Variants in VSNL1 observed in about 807,000 individuals in gnomAD.
VSNL1 encodes visinin like 1, also known as visinin-like protein 1.
Under a neutral mutation model 20.4 loss-of-function variants are expected in VSNL1, and 6 were observed. That is an observed-to-expected ratio of 0.29 (90% CI 0.16 to 0.58). VSNL1 has a LOEUF of 0.58. VSNL1 is among the 20% of genes least tolerant of loss of function. VSNL1 has a pLI of 0.90. For synonymous variants in VSNL1, 93 were observed against 86.4 expected (o/e 1.08, Z -0.42); for missense variants, 100 against 234.5 (o/e 0.43, Z 3.75).
intron 2 of VSNL1, among the ~76,000 whole-genome samples, chr2:17,633,685 G>C (rs1447436941): frequency 1.3e-5 from 2 of 152,154 alleles, no homozygotes; most frequent in African/African-American, 4.8e-5. Flanking sequence ...GAGGATGTCA[G>C]AGCAGAGTTG....
intron 1 of VSNL1, among the ~76,000 whole-genome samples, chr2:17,552,826 G>A (rs1663577009): frequency 6.6e-6 from 1 of 152,096 alleles, no homozygotes; most frequent in South Asian, 2.1e-4. Context: ...CTGTTTATAT[G>A]AGACATGACT....
chr2:17,549,496 A>C (rs574517853), intron 1 of VSNL1, among the ~76,000 whole-genome samples: 1 of 152,354 alleles, frequency 6.6e-6, no homozygotes, highest in African/African-American at 2.4e-5. Context: ...GCTTCATAAC[A>C]AATCATTACT....
rs2103430438 is a variant in VSNL1 at position 17,649,660 on chromosome 2, A to C, written c.378+35A>C. 1 of 1,605,660 alleles carries C rather than the reference A, an allele frequency of 6.2e-7. No individual in the cohort carries two copies. Among genetic ancestry groups the C allele is most frequent in the East Asian group, 2.2e-5 (1 of 44,806 alleles). On this transcript the variant is annotated intron_variant, in intron 3 of 3. Transcript: ENST00000295156. This position sits in a 1 kb window ranked among gnomAD's most constrained non-coding sequence, Gnocchi z 6.4. ...GGGGTGTGGTTGGCGGGTGGTGGGCACAGAAGGAGACCCCACGGCAGCCTC... is the reference window on the plus strand; with the variant it reads ...GGGGTGTGGTTGGCGGGTGGTGGGCCCAGAAGGAGACCCCACGGCAGCCTC...
intron 1 of VSNL1, among the ~76,000 whole-genome samples, chr2:17,584,535 A>G (rs1664424875): frequency 6.6e-6 from 1 of 152,134 alleles, no homozygotes; most frequent in African/African-American, 2.4e-5. Context: ...CCAAAGACCA[A>G]TGTCCGCTGC....
chr2:17,541,639 G>C (rs541896201), intron 1 of VSNL1: 3 of 152,302 alleles, frequency 2.0e-5, no homozygotes, highest in Admixed American at 2.0e-4. Context: ...TGCATTCCGT[G>C]TTCGCCATCC....
intron 1 of VSNL1, among the ~76,000 whole-genome samples, chr2:17,577,263 T>C (rs1390613610): frequency 1.3e-5 from 2 of 152,266 alleles, no homozygotes; most frequent in Admixed American, 6.5e-5. Context: ...CTTTTGTCTA[T>C]ATTTTCAGTT....
chr2:17,574,112 C>T (rs114745922), intron 1 of VSNL1, among the ~76,000 whole-genome samples: 1 of 152,160 alleles, frequency 6.6e-6, no homozygotes, highest in Non-Finnish European at 1.5e-5. Flanking sequence ...CTTCAAGTTT[C>T]GAAGCTTGTC....
At chr2:17,639,124 C>T (rs1197168342) in intron 2 of VSNL1, among the ~76,000 whole-genome samples, 2 of 152,152 alleles carry the variant, frequency 1.3e-5, no homozygotes, top group African/African-American at 4.8e-5. Flanking sequence ...ATCTATTGCC[C>T]CAGTTGCCCT....
In VSNL1 at chr2:17,644,197, A is replaced by T. The variant is rs1366688291; in HGVS notation, c.163-5213A>T. ...ATGTGAAGAGCTGAAAGCCAAAACC[A>T]AATATCAAATGACCTCTCAAAGGCA... On this transcript the variant is annotated intron_variant, in intron 2 of 3. Transcript: ENST00000295156. Among the ~76,000 whole-genome samples, 4 of 152,212 alleles carry T rather than the reference A, an allele frequency of 2.6e-5. 1 individual carries two copies. The highest frequency in any genetic ancestry group is 5.9e-5 in the Non-Finnish European group (4 of 68,020).
chr2:17,608,313 T>TA (rs1481067461), intron 2 of VSNL1, among the ~76,000 whole-genome samples: 1 of 152,218 alleles, frequency 6.6e-6, no homozygotes, highest in Non-Finnish European at 1.5e-5. Flanking sequence ...CATGTTCTTT[T>TA]AAAAAATGTG....
intron 2 of VSNL1, among the ~76,000 whole-genome samples, chr2:17,638,128 G>A (rs561549169): frequency 6.6e-6 from 1 of 152,146 alleles, no homozygotes; most frequent in South Asian, 2.1e-4. Flanking sequence ...GTAGATGAGA[G>A]GTATGTAGAG....
chr2:17,599,220 A>G (rs1664776034), intron 2 of VSNL1, among the ~76,000 whole-genome samples: 1 of 152,232 alleles, frequency 6.6e-6, no homozygotes, highest in Non-Finnish European at 1.5e-5. Flanking sequence ...GATCAGGAAC[A>G]GGAAAGACAA....
intron 2 of VSNL1, among the ~76,000 whole-genome samples, chr2:17,594,191 A>G (rs1048196120): frequency 6.6e-6 from 1 of 152,216 alleles, no homozygotes. Flanking sequence ...CAACTGATAT[A>G]TATGCACCAA....
At chr2:17,586,715 G>A (rs62132086) in intron 1 of VSNL1, among the ~76,000 whole-genome samples, 14,876 of 152,142 alleles carry the variant, frequency 0.098, 1,037 homozygotes, top group African/African-American at 0.19. Flanking sequence ...GCCTGATTCC[G>A]TCAAGTTAAT....
At chr2:17,608,820 C>T (rs895609240) in intron 2 of VSNL1, among the ~76,000 whole-genome samples, 2 of 152,066 alleles carry the variant, frequency 1.3e-5, no homozygotes, top group African/African-American at 2.4e-5. Context: ...TCATAGATGT[C>T]CCATTATTTT....
chr2:17,612,749 A>C (rs1001374380), intron 2 of VSNL1, among the ~76,000 whole-genome samples: 1 of 152,152 alleles, frequency 6.6e-6, no homozygotes, highest in African/African-American at 2.4e-5. Flanking sequence ...GGGCTTTAAC[A>C]TGTTGCTGGA....
chr2:17,601,901 A>G (rs1451751708), intron 2 of VSNL1, among the ~76,000 whole-genome samples: 2 of 152,290 alleles, frequency 1.3e-5, no homozygotes, highest in East Asian at 1.9e-4. Flanking sequence ...GTGCCACCGC[A>G]CTCCAGCCTG....
intron 2 of VSNL1, among the ~76,000 whole-genome samples, chr2:17,602,984 G>T (rs1034529309): frequency 6.6e-6 from 1 of 152,106 alleles, no homozygotes; most frequent in Admixed American, 6.5e-5. Flanking sequence ...AACAATCTGT[G>T]TAAATAGCTA....
At chr2:17,648,340 G>T (rs929503768) in intron 2 of VSNL1, among the ~76,000 whole-genome samples, 1 of 152,220 alleles carries the variant, frequency 6.6e-6, no homozygotes, top group Non-Finnish European at 1.5e-5. Context: ...TGAGAAAGAC[G>T]GACCGAGGGC....
Sources: allele counts gnomAD v4.1 joint callset (sites outside exome capture counted in the v4.1 genomes callset), GRCh38; gene constraint gnomAD v4.1.1; non-coding constraint Gnocchi (gnomAD v3.1); transcripts MANE v1.5; gene names NCBI Gene and HGNC (gene_info 2026-07-23, HGNC 2026-07-21).